The following FKBP8 variants were observed in gnomAD, a reference collection of about 807,000 sequenced individuals.
FKBP8 encodes the protein FKBP prolyl isomerase 8, also known as peptidyl-prolyl cis-trans isomerase FKBP8.
In FKBP8, 5 loss-of-function variants were observed where a neutral mutation model predicts 41.7. That is an observed-to-expected ratio of 0.12 (90% CI 0.06 to 0.25). The LOEUF (loss-of-function observed/expected upper bound fraction) is 0.25. Ranked by LOEUF, FKBP8 falls within the 10% of genes least tolerant of loss-of-function variation. FKBP8 has a pLI of 1.00. For synonymous variants in FKBP8, 279 were observed against 254.5 expected, an observed-to-expected ratio of 1.10 and a Z score of -0.92; for missense variants, 397 against 563.0, an observed-to-expected ratio of 0.71 and a Z score of 2.98.
chr19:18,542,486 C>A (rs1461738058), intron 1 of FKBP8: 2 of 181,368 alleles, frequency 1.1e-5, no homozygotes, highest in Non-Finnish European at 2.4e-5. Flanking sequence ...GCCTCTAAGG[C>A]CACTGGGGGA....
At chr19:18,542,124 CTATACAGTGGGTG>C in intron 1 of FKBP8, 129 bp from the exon 2 acceptor site, 1 of 1,371,252 alleles carries the variant, frequency 7.3e-7, no homozygotes, top group Non-Finnish European at 9.6e-7. Context: ...GTTTCCTCAT[CTATACAGTGGGTG>C]TAACAACAAC....
At chr19:18,542,267 A>G (rs1444404444) in intron 1 of FKBP8, 12 of 375,020 alleles carry the variant, frequency 3.2e-5, no homozygotes, top group African/African-American at 1.4e-4. Context: ...GGAAGTAGGG[A>G]AGATTCCCCT....
At position 18,539,681 on chromosome 19, in the gene FKBP8, G is replaced by A. The variant is rs1007540103; in HGVS notation, c.332C>T (p.Pro111Leu). The A allele has an allele frequency of 2.8e-5, 45 of 1,610,418 alleles. No homozygotes were observed. Among genetic ancestry groups the A allele is most frequent in the East Asian group, 2.7e-4 (12 of 44,894 alleles). ...LLRKKTLVPG[P>L]PGSSRPVKGQ... ...CTTGACCGGGCGGCTCGAACCTGGC[G>A]GCCCTGGGACCAGCGTCTTCTTCCT... Residue 111 changes from proline (P) to leucine (L), a missense_variant, in exon 3 of 9, where the codon CCG becomes CTG. Pro to Leu is a moderately conservative substitution (Grantham distance 98). Transcript: ENST00000608443.
In FKBP8 at chr19:18,537,862, C is replaced by A. The variant is rs1886413175; in HGVS notation, c.773-89G>T. Reference sequence around the variant, plus strand: ...CCCTCTGCGGAGGCTGCCTCTCTGGCCTCAGTTTCCCCAATTTTAACCCCG... The same window carrying A: ...CCCTCTGCGGAGGCTGCCTCTCTGGACTCAGTTTCCCCAATTTTAACCCCG... On this transcript the variant is annotated intron_variant, in intron 5 of 8. Transcript: ENST00000608443. This position sits in a 1 kb window ranked among gnomAD's most constrained non-coding sequence, Gnocchi z 4.4. 1.4e-6 allele frequency: 2 copies of A among 1,391,548 alleles called. No homozygotes were observed. The highest frequency in any genetic ancestry group is 2.9e-5 in the African/African-American group (2 of 69,504). 86.2% of individuals were successfully genotyped at this position (1,391,548 alleles called of 1,614,324 possible). A position where few individuals can be genotyped will look rare whatever the true frequency, so the allele number is the denominator to read the frequency against.
At chr19:18,532,928 G>A (rs1192418148) in intron 7 of FKBP8, 133 bp from the exon 8 acceptor site, 1 of 1,428,674 alleles carries the variant, frequency 7.0e-7, no homozygotes, top group South Asian at 1.4e-5. Flanking sequence ...CCCCTTTCTG[G>A]GCTTAGCAAA....
In FKBP8 at chr19:18,537,283, G is replaced by A. The variant is rs865973196; in HGVS notation, c.945+318C>T. On this transcript the variant is annotated intron_variant, in intron 6 of 8. Transcript: ENST00000608443. This position sits in a 1 kb window ranked among gnomAD's most constrained non-coding sequence, Gnocchi z 4.4. ...AACCCAGGAGGAGGAGGTTGCGGTG[G>A]TGAGCTGAGATCACACCACTGCACT... Among the ~76,000 whole-genome samples the A allele has an allele frequency of 5.1e-4, 77 of 152,074 alleles. 1 individual carries two copies. Among genetic ancestry groups the A allele is most frequent in the African/African-American group, 1.7e-3 (71 of 41,370 alleles).
Position 18,537,180 on chromosome 19 carries a change from A to C in FKBP8, c.945+421T>G, listed in dbSNP as rs1409538177. Among the ~76,000 whole-genome samples the C allele has an allele frequency of 6.6e-6, 1 of 152,160 alleles. No individual in the cohort carries two copies. The highest frequency in any genetic ancestry group is 1.5e-5 in the Non-Finnish European group (1 of 68,018). ...ATGGCTAACCACATCTCTACTAAAA[A>C]TACAAAAATTAACTGGGTGTGGTGG... On this transcript the variant is annotated intron_variant, in intron 6 of 8. Coordinates refer to ENST00000608443, the MANE Select transcript of FKBP8 (RefSeq NM_012181.5). The surrounding 1 kb of genome is among the most constrained non-coding windows in gnomAD (Gnocchi z 4.4).
intron 6 of FKBP8, among the ~76,000 whole-genome samples, chr19:18,534,302 G>A (rs1283964459): frequency 2.0e-5 from 3 of 151,882 alleles, no homozygotes; most frequent in East Asian, 3.9e-4. Context: ...GCGAGACTCC[G>A]TCTCAAAAAC....
At position 18,537,505 on chromosome 19, in the gene FKBP8, G is replaced by A; in HGVS notation, c.945+96C>T. 1 of 1,208,500 alleles carries A rather than the reference G, an allele frequency of 8.3e-7. No individual in the cohort carries two copies. Among genetic ancestry groups the A allele is most frequent in the Non-Finnish European group, 1.1e-6 (1 of 897,858 alleles). The allele number at this position is 1,208,500 out of a possible 1,614,324, so 74.9% of individuals were successfully genotyped here. ...CACCTGCACCCCACAGAGCTCAGCT[G>A]GCTTATATACCTATGCCTTTCTCAA... On this transcript the variant is annotated intron_variant, in intron 6 of 8. Transcript: ENST00000608443. The surrounding 1 kb of genome is among the most constrained non-coding windows in gnomAD (Gnocchi z 4.4).
At chr19:18,541,645 G>T (rs1976702673) in intron 2 of FKBP8, 34 bp downstream of exon 2, 1 of 1,570,136 alleles carries the variant, frequency 6.4e-7, no homozygotes, top group Admixed American at 1.7e-5. Flanking sequence ...GAGGGCCAGG[G>T]CCAAGGGCAC....
At position 18,537,594 on chromosome 19, in the gene FKBP8, G is replaced by T. The variant is rs1419991749; in HGVS notation, c.945+7C>A. 1 of 1,584,216 alleles carries T rather than the reference G, an allele frequency of 6.3e-7. No individual in the cohort carries two copies. Among genetic ancestry groups the T allele is most frequent in the South Asian group, 1.1e-5 (1 of 88,078 alleles). ...GTGACCCGGCCTGGCACCCCGGTGT[G>T]GCCTACCTTGCCCTTGCGGAAGAGA... On this transcript the variant is annotated splice_region_variant and intron_variant, in intron 6 of 8. Transcript: ENST00000608443. The surrounding 1 kb of genome is among the most constrained non-coding windows in gnomAD (Gnocchi z 4.4).
At chr19:18,533,706 A>G (rs1482448103) in intron 6 of FKBP8, among the ~76,000 whole-genome samples, 10 of 151,588 alleles carry the variant, frequency 6.6e-5, no homozygotes, top group Non-Finnish European at 1.2e-4. Context: ...CCTGTCTTAA[A>G]AAAAGAAAAA....
Position 18,539,547 on chromosome 19 carries a change from G to A in FKBP8, c.462+4C>T, listed in dbSNP as rs768738031. The A allele has an allele frequency of 4.3e-6, 7 of 1,612,420 alleles. No individual in the cohort carries two copies. Among genetic ancestry groups the A allele is most frequent in the Middle Eastern group, 1.6e-4 (1 of 6,068 alleles). On this transcript the variant is annotated splice_donor_region_variant and intron_variant, in intron 3 of 8. Coordinates refer to ENST00000608443, the MANE Select transcript of FKBP8 (RefSeq NM_012181.5). ...CCCCTGCCCTGTCCCGCCCCAGCCC[G>A]CACCTGGATGACGTCACAGTCACCC...
chr19:18,534,791 G>GTTA (rs146575524), intron 6 of FKBP8, among the ~76,000 whole-genome samples: 5,955 of 150,732 alleles, frequency 0.04, 399 homozygotes, highest in African/African-American at 0.13. Flanking sequence ...TATTACTATT[G>GTTA]TTATTATTAT....
At position 18,532,739 on chromosome 19, in the gene FKBP8, C is replaced by T. The variant is rs1327939291; in HGVS notation, c.1080G>A (p.Thr360=). ...GCATTTTCCGGTACAAGGCGGTCTC[C>T]GTGCTCCGCTGCGCCGCATGCTTCT... ...LVKKHAAQRS[T]ETALYRKMLG... The change falls in exon 8 of 9, where the codon ACG becomes ACA. Residue 360 remains threonine (T), a synonymous_variant. Transcript: ENST00000608443. 18 of 1,614,024 alleles carry T rather than the reference C, an allele frequency of 1.1e-5. No individual in the cohort carries two copies. Among genetic ancestry groups the T allele is most frequent in the African/African-American group, 2.7e-5 (2 of 74,954 alleles).
intron 8 of FKBP8, 92 bp from the exon 9 acceptor site, chr19:18,532,347 C>T: frequency 8.1e-7 from 1 of 1,230,596 alleles, no homozygotes; most frequent in Non-Finnish European, 1.2e-6. Context: ...ACAGACCTCC[C>T]AACAAATCAT....
intron 6 of FKBP8, among the ~76,000 whole-genome samples, chr19:18,534,383 A>G (rs1429464715): frequency 6.6e-6 from 1 of 152,156 alleles, no homozygotes; most frequent in African/African-American, 2.4e-5. Context: ...CTCTGGCAAC[A>G]TCCCTGGGTT....
At chr19:18,535,438 C>G (rs2145186596) in intron 6 of FKBP8, among the ~76,000 whole-genome samples, 1 of 152,186 alleles carries the variant, frequency 6.6e-6, no homozygotes, top group Admixed American at 6.6e-5. Flanking sequence ...TGAGATCCAG[C>G]CTGCACTATG....
chr19:18,540,002 T>G (rs11574808), intron 2 of FKBP8, among the ~76,000 whole-genome samples: 13 of 144,682 alleles, frequency 9.0e-5, no homozygotes, highest in Non-Finnish European at 1.4e-4. Flanking sequence ...TGTTTTTTTG[T>G]TTTTTTTTTT....
Sources: gnomAD v4.1 joint callset for allele counts (sites outside exome capture counted in the v4.1 genomes callset) on GRCh38, gnomAD v4.1.1 for gene constraint, Gnocchi (gnomAD v3.1) non-coding constraint, MANE v1.5 for transcripts, NCBI Gene and HGNC (gene_info 2026-07-23, HGNC 2026-07-21) for gene names.